ESYT1: variants seen among roughly 807,000 people sequenced by gnomAD.
The protein encoded by ESYT1 is extended synaptotagmin-1.
ESYT1 carries 116 observed loss-of-function variants against 154.2 expected under a neutral mutation model. The observed-to-expected ratio is 0.75, with a 90% CI of 0.65 to 0.88. The LOEUF is 0.88. Ranked by LOEUF, ESYT1 falls within the 40% of genes least tolerant of loss-of-function variation. The pLI, the probability that ESYT1 is intolerant of heterozygous loss-of-function variation, is 0.00. For synonymous variants in ESYT1, 500 were observed against 539.9 expected (o/e 0.93, Z 1.02); for missense variants, 1,264 against 1,379.3 (o/e 0.92, Z 1.32).
At chr12:56,129,460 A>T (rs1870140426) in intron 1 of ESYT1, 1 of 152,766 alleles carries the variant, frequency 6.5e-6, no homozygotes, top group African/African-American at 2.4e-5. Context: ...GCTGAGGCGG[A>T]TGCCTTCTCT....
intron 24 of ESYT1, among the ~76,000 whole-genome samples, chr12:56,141,597 G>A (rs1187778034): frequency 5.3e-5 from 8 of 152,132 alleles, no homozygotes; most frequent in Non-Finnish European, 5.9e-5. Context: ...AAAATTAGCC[G>A]GGTGTGGTGG....
Position 56,133,828 on chromosome 12 carries a change from A to G in ESYT1, c.1428A>G (p.Ser476=), listed in dbSNP as rs1870340776. Residue 476 remains serine (S), a synonymous_variant, in exon 13 of 31, where the codon TCA becomes TCG. Transcript: ENST00000394048. ...WGVSSRPDPP[S]AAILVVYLDR... is the part of the protein sequence containing the mutation. ...TCTCCTCTCGACCAGATCCCCCGTC[A>G]GCTGCCATCTTAGTTGTCTACCTGG... 1.9e-6 allele frequency: 3 copies of G among 1,614,206 alleles called. No homozygotes were observed. Among genetic ancestry groups the G allele is most frequent in the Non-Finnish European group, 2.5e-6 (3 of 1,180,034 alleles).
intron 7 of ESYT1, 132 bp from the exon 8 acceptor site, chr12:56,132,077 G>A (rs1592244756): frequency 2.9e-6 from 4 of 1,392,530 alleles, no homozygotes; most frequent in South Asian, 1.2e-5. Flanking sequence ...GGGTAGAAGA[G>A]TAGCACAAAG....
Position 56,133,416 on chromosome 12 carries a change from G to A in ESYT1, c.1245-1G>A. 6.2e-7 allele frequency: 1 copy of A among 1,614,200 alleles called. No individual in the cohort carries two copies. The highest frequency in any genetic ancestry group is 8.5e-7 in the Non-Finnish European group (1 of 1,180,036). On this transcript the variant is annotated splice_acceptor_variant, in intron 10 of 30. Coordinates refer to ENST00000394048, the MANE Select transcript of ESYT1 (RefSeq NM_015292.3). LOFTEE classifies it high-confidence loss of function. ...CTACCCTCTCCCCCGCCAACCCTCA[G>A]AATGAAGCTGGATGTAGGGAAGGTG...
In ESYT1 at chr12:56,131,580, A is replaced by T; in HGVS notation, c.804+14A>T. ...ATCCGACGCCCGGTAAGGGAAAACA[A>T]TGAAGGGGTATGGGGAAGCAGGAGA... On this transcript the variant is annotated intron_variant, in intron 6 of 30. Transcript: ENST00000394048. 1 of 1,613,758 alleles carries T rather than the reference A, an allele frequency of 6.2e-7. No homozygotes were observed. Among genetic ancestry groups the T allele is most frequent in the Non-Finnish European group, 8.5e-7 (1 of 1,179,834 alleles).
At chr12:56,128,756 C>A in intron 1 of ESYT1, 47 bp downstream of exon 1, 1 of 1,605,086 alleles carries the variant, frequency 6.2e-7, no homozygotes, top group Non-Finnish European at 8.5e-7. Context: ...CCCCTTCCAC[C>A]CCTTCCATCT....
chr12:56,134,355 C>T lies in ESYT1; in HGVS notation c.1559C>T (p.Thr520Ile), dbSNP rs374315495. 1.5e-5 allele frequency: 25 copies of T among 1,613,962 alleles called. No individual in the cohort carries two copies. The African/African-American group carries it at 2.7e-4, about 17-fold the overall frequency. ...CTACATCTCCAGGCTGTCTACAGTA[C>T]CAACTGCCCAGTGTGGGAGGAAGCG... ...VTQESKAVYSTNCPVWEEAFR... is the reference protein window; with the variant it reads ...VTQESKAVYSINCPVWEEAFR... Residue 520 changes from threonine (T) to isoleucine (I), a missense_variant, in exon 15 of 31, where the codon ACC becomes ATC. By Grantham distance (89) the Thr-to-Ile change is moderately conservative. Transcript: ENST00000394048.
At chr12:56,128,972 G>T (rs1054604304) in intron 1 of ESYT1, 6 of 505,300 alleles carry the variant, frequency 1.2e-5, no homozygotes, top group African/African-American at 1.9e-5. Flanking sequence ...GGCAACAGCA[G>T]TAATAACATC....
Position 56,144,666 on chromosome 12 carries a change from C to A in ESYT1, c.*804C>A. The A allele has an allele frequency of 1.0e-6, 1 of 985,416 alleles. No homozygotes were observed. Among genetic ancestry groups the A allele is most frequent in the Non-Finnish European group, 1.2e-6 (1 of 829,920 alleles). 61.0% of individuals were successfully genotyped at this position (985,416 alleles called of 1,614,324 possible). A position where few individuals can be genotyped will look rare whatever the true frequency, so the allele number is the denominator to read the frequency against. ...ACTGGATCTTACATTAAACATCATA[C>A]TCAAACCAGCTGTGGTTCTTTTCCT... On this transcript the variant is annotated 3_prime_UTR_variant, in exon 31 of 31. Coordinates refer to ENST00000394048, the MANE Select transcript of ESYT1 (RefSeq NM_015292.3).
Position 56,134,163 on chromosome 12 carries a change from T to C in ESYT1, c.1527T>C (p.Asp509=). The change falls in exon 14 of 31, where the codon GAT becomes GAC. Residue 509 remains aspartate, a synonymous_variant. Transcript: ENST00000394048. ...PNPMVQLSIQ[D]VTQESKAVYS... ...CTATGGTACAACTGTCAATTCAGGA[T>C]GTGACTCAGGAGAGCAAGGTGAGGG... is the stretch of plus-strand genomic sequence containing the variant. 1 of 1,614,092 alleles carries C rather than the reference T, an allele frequency of 6.2e-7. No homozygotes were observed. The highest frequency in any genetic ancestry group is 8.5e-7 in the Non-Finnish European group (1 of 1,179,976).
At chr12:56,137,028 A>T (rs1870486938) in intron 16 of ESYT1, 135 bp downstream of exon 16, 10 of 1,311,778 alleles carry the variant, frequency 7.6e-6, no homozygotes, top group Non-Finnish European at 3.1e-6. Flanking sequence ...ACAAAAACAT[A>T]TATTGATCTG....
rs1449150859 is a variant in ESYT1, at chr12:56,138,250, C to T, written c.2315C>T (p.Pro772Leu). ...CGCCTGGAGCGTCTCACCCCCCGTC[C>T]CACTGCTGCTGAGTTAGAGGAGGTA... ...HLRLERLTPR[P>L]TAAELEEVLQ... The change falls in exon 21 of 31, where the codon CCC becomes CTC. Residue 772 changes from proline to leucine, a missense_variant. By Grantham distance (98) the Pro-to-Leu change is moderately conservative (BLOSUM62 -3). Coordinates refer to ENST00000394048, the MANE Select transcript of ESYT1 (RefSeq NM_015292.3). 3 of 1,614,244 alleles carry T rather than the reference C, an allele frequency of 1.9e-6. No individual in the cohort carries two copies. Among genetic ancestry groups the T allele is most frequent in the East Asian group, 2.2e-5 (1 of 44,890 alleles).
chr12:56,133,070 G>T (rs1420328225), intron 10 of ESYT1, among the ~76,000 whole-genome samples: 1 of 151,844 alleles, frequency 6.6e-6, no homozygotes, highest in East Asian at 1.9e-4. Context: ...GCAGTGAGCC[G>T]AGATCGCGCC....
At chr12:56,138,343 G>T in intron 21 of ESYT1, 61 bp from the exon 22 acceptor site, 1 of 1,612,456 alleles carries the variant, frequency 6.2e-7, no homozygotes, top group Non-Finnish European at 8.5e-7. Flanking sequence ...TAGCGTTCAA[G>T]GCACATGCCA....
In ESYT1 at chr12:56,128,349, C is replaced by A. The variant is rs931893017; in HGVS notation, c.30C>A (p.Ser10Arg). ...AGCGATCTCCAGGAGAGGGCCCCAG[C>A]CCCAGCCCCATGGACCAGCCCTCTG... MERSPGEGP[S>R]PSPMDQPSAP... Residue 10 changes from serine (S) to arginine (R), a missense_variant, in exon 1 of 31, where the codon AGC becomes AGA. By Grantham distance (110) the Ser-to-Arg change is moderately radical. Transcript: ENST00000394048. 6.2e-7 allele frequency: 1 copy of A among 1,611,684 alleles called. No individual in the cohort carries two copies. Among genetic ancestry groups the A allele is most frequent in the African/African-American group, 1.3e-5 (1 of 74,910 alleles).
Position 56,144,138 on chromosome 12 carries a change from A to G in ESYT1, c.*276A>G. ...TGCACATTGTTCTCCCTTCCTCCCA[A>G]CTCCTCAGGGCCTTCTGTATCTGTG... On this transcript the variant is annotated 3_prime_UTR_variant, in exon 31 of 31. Transcript: ENST00000394048. 1 of 1,370,508 alleles carries G rather than the reference A, an allele frequency of 7.3e-7. No homozygotes were observed. Among genetic ancestry groups the G allele is most frequent in the Non-Finnish European group, 9.4e-7 (1 of 1,060,950 alleles). 84.9% of individuals were successfully genotyped at this position (1,370,508 alleles called of 1,614,324 possible).
chr12:56,133,615 C>T lies in ESYT1; in HGVS notation c.1321C>T (p.Gln441Ter). ...GTTCCCTCTACAAGGTGGGCAAGGC[C>T]AAGTTCACTTGAGGCTAGAATGGCT... is the stretch of plus-strand genomic sequence containing the variant. ...DWFPLQGGQG[Q>*]VHLRLEWLSL... The change falls in exon 12 of 31, where the codon CAA becomes TAA. Residue 441 changes from glutamine (Q) to a stop codon, truncating the protein, a stop_gained. Coordinates refer to ENST00000394048, the MANE Select transcript of ESYT1 (RefSeq NM_015292.3). LOFTEE classifies it high-confidence loss of function. The T allele has an allele frequency of 6.8e-6, 11 of 1,614,202 alleles. No individual in the cohort carries two copies. The highest frequency in any genetic ancestry group is 9.3e-6 in the Non-Finnish European group (11 of 1,180,034).
Position 56,128,674 on chromosome 12 carries a change from A to G in ESYT1, c.355A>G (p.Thr119Ala). The G allele has an allele frequency of 6.2e-7, 1 of 1,613,150 alleles. No homozygotes were observed. Among genetic ancestry groups the G allele is most frequent in the Non-Finnish European group, 8.5e-7 (1 of 1,179,742 alleles). ...LDDEEQLTAK[T>A]LYMSHRELPA... ...CGACGAGGAGCAGCTCACTGCGAAA[A>G]CTCTCTATATGAGTCATCGAGAGCT... Residue 119 changes from threonine to alanine, a missense_variant, in exon 1 of 31, where the codon ACT becomes GCT. By Grantham distance (58) the Thr-to-Ala change is moderately conservative. Coordinates refer to ENST00000394048, the MANE Select transcript of ESYT1 (RefSeq NM_015292.3).
chr12:56,130,548 T>G (rs777207541), intron 1 of ESYT1, 34 bp from the exon 2 acceptor site: 8 of 1,612,868 alleles, frequency 5.0e-6, no homozygotes, highest in Non-Finnish European at 6.8e-6. Flanking sequence ...GAGGGTGTGC[T>G]GCACGTCACT....
Sources: allele counts gnomAD v4.1 joint callset (sites outside exome capture counted in the v4.1 genomes callset), GRCh38; gene constraint gnomAD v4.1.1; transcripts MANE v1.5; gene names NCBI Gene and HGNC (gene_info 2026-07-23, HGNC 2026-07-21).